The following ELMO1 variants were observed in gnomAD, a reference collection of about 807,000 sequenced individuals.
ELMO1 encodes engulfment and cell motility protein 1.
In ELMO1, 26 loss-of-function variants were observed where a neutral mutation model predicts 98.9. That is an observed-to-expected ratio of 0.26 (90% confidence interval 0.19 to 0.36). The LOEUF is 0.36. Among genes scored for constraint, ELMO1 ranks in the 10% least tolerant of loss-of-function variants. ELMO1 has a pLI of 1.00. For missense variants in ELMO1, 627 were observed against 935.2 expected (o/e 0.67, Z 4.30); for synonymous variants, 346 against 346.0 (o/e 1.00, Z 0.00).
chr7:37,421,655 T>C (rs1804478066), intron 1 of ELMO1, among the ~76,000 whole-genome samples: 1 of 152,210 alleles, frequency 6.6e-6, no homozygotes, highest in South Asian at 2.1e-4. Context: ...TCCTGGGTTC[T>C]TAGGGGCTGA....
At chr7:37,035,638 A>T (rs556273441) in intron 15 of ELMO1, among the ~76,000 whole-genome samples, 1 of 152,320 alleles carries the variant, frequency 6.6e-6, no homozygotes, top group Non-Finnish European at 1.5e-5. Flanking sequence ...TTATAATATC[A>T]TGACTTTGCT....
intron 16 of ELMO1, among the ~76,000 whole-genome samples, chr7:36,953,921 G>A (rs980702435): frequency 7.3e-5 from 11 of 150,276 alleles, no homozygotes. Context: ...TAGGAACTTT[G>A]GAAGAAGGGG....
chr7:37,012,851 C>G (rs1793649702), intron 16 of ELMO1, among the ~76,000 whole-genome samples: 1 of 152,170 alleles, frequency 6.6e-6, no homozygotes, highest in South Asian at 2.1e-4. Context: ...GATCACAACA[C>G]ATCCATAATC....
chr7:37,312,229 C>T (rs1798923856), intron 4 of ELMO1, among the ~76,000 whole-genome samples: 2 of 152,202 alleles, frequency 1.3e-5, no homozygotes, highest in South Asian at 4.1e-4. Context: ...AGTGGGACTA[C>T]AGGCATGTGC....
At chr7:37,416,943 C>T (rs186851350) in intron 1 of ELMO1, among the ~76,000 whole-genome samples, 1 of 152,314 alleles carries the variant, frequency 6.6e-6, no homozygotes, top group Non-Finnish European at 1.5e-5. Context: ...CATTCACTTC[C>T]TCAGTTTCTC....
At chr7:37,279,158 C>A (rs144248324) in intron 4 of ELMO1, among the ~76,000 whole-genome samples, 10,331 of 152,062 alleles carry the variant, frequency 0.068, 468 homozygotes, top group African/African-American at 0.11. Context: ...GCCGAGATCA[C>A]GCCACTGCAC....
intron 4 of ELMO1, among the ~76,000 whole-genome samples, chr7:37,281,499 A>G (rs1797139906): frequency 6.6e-6 from 1 of 152,208 alleles, no homozygotes; most frequent in South Asian, 2.1e-4. Flanking sequence ...AAATTGCCAC[A>G]TGCCCTCTCT....
At chr7:37,012,396 C>T (rs1307870031) in intron 16 of ELMO1, among the ~76,000 whole-genome samples, 3 of 152,188 alleles carry the variant, frequency 2.0e-5, no homozygotes, top group Admixed American at 6.5e-5. Flanking sequence ...GAAAGCCCCA[C>T]AGTATGACTG....
rs528891655 is a variant in ELMO1, at chr7:37,099,589, A to G, written c.1192-2862T>C. Among the ~76,000 whole-genome samples, 47 of 152,316 alleles carry G rather than the reference A, an allele frequency of 3.1e-4. No homozygotes were observed. The South Asian group carries it at 5.2e-3, about 17-fold the overall frequency. On this transcript the variant is annotated intron_variant, in intron 14 of 21. Transcript: ENST00000310758. The stretch of plus-strand genomic sequence containing the variant: ...CCACTCATCTTAGAATATATCAAAC[A>G]CCAAAATAAACTCTTTCTGCATATT...
chr7:37,043,178 T>A (rs189943229), intron 15 of ELMO1, among the ~76,000 whole-genome samples: 112 of 152,196 alleles, frequency 7.4e-4, no homozygotes, highest in Admixed American at 3.4e-3. Flanking sequence ...CAATTACCAC[T>A]AAATAAAGAA....
chr7:36,887,744 C>A, intron 17 of ELMO1, 72 bp from the exon 18 acceptor site: 1 of 1,378,626 alleles, frequency 7.3e-7, no homozygotes, highest in Non-Finnish European at 1.0e-6. Flanking sequence ...GCATCATGGG[C>A]ATACGGGCAG....
chr7:36,955,603 T>C (rs1206825027), intron 16 of ELMO1, among the ~76,000 whole-genome samples: 1 of 152,228 alleles, frequency 6.6e-6, no homozygotes, highest in Non-Finnish European at 1.5e-5. Flanking sequence ...CACATGTACA[T>C]CTTTTTATTC....
intron 1 of ELMO1, among the ~76,000 whole-genome samples, chr7:37,367,281 C>A (rs1801943195): frequency 6.6e-6 from 1 of 152,236 alleles, no homozygotes; most frequent in African/African-American, 2.4e-5. Flanking sequence ...CCCTCCCTCT[C>A]TTTCTCTCTC....
intron 13 of ELMO1, among the ~76,000 whole-genome samples, chr7:37,138,371 T>C (rs1048981363): frequency 1.3e-5 from 2 of 150,216 alleles, no homozygotes; most frequent in East Asian, 3.9e-4. Flanking sequence ...ATAAGCTCAA[T>C]TGGAAACAAA....
At chr7:36,933,750 G>C (rs1786254951) in intron 16 of ELMO1, among the ~76,000 whole-genome samples, 1 of 152,180 alleles carries the variant, frequency 6.6e-6, no homozygotes, top group South Asian at 2.1e-4. Flanking sequence ...GAGGCAGGTA[G>C]CACTGAGGCA....
At chr7:36,921,951 T>C (rs1785182682) in intron 16 of ELMO1, among the ~76,000 whole-genome samples, 2 of 152,180 alleles carry the variant, frequency 1.3e-5, no homozygotes, top group South Asian at 4.1e-4. Flanking sequence ...TTTTATTTTC[T>C]TGTGGAGTTT....
intron 16 of ELMO1, among the ~76,000 whole-genome samples, chr7:36,987,260 G>T (rs569077358): frequency 6.6e-6 from 1 of 152,114 alleles, no homozygotes; most frequent in African/African-American, 2.4e-5. Context: ...TAGAATTAAT[G>T]TCACCAACTC....
Position 37,342,966 on chromosome 7 carries a change from C to T in ELMO1, c.-73-203G>A, listed in dbSNP as rs991588375. On this transcript the variant is annotated intron_variant, in intron 1 of 21. Transcript: ENST00000310758. This position sits in a 1 kb window ranked among gnomAD's most constrained non-coding sequence, Gnocchi z 4.3. ...AGAAAGATGGGGGTGCCCGTGCCAACGCCCTTGAGTCAAAGCCGCCAGGAG... is the reference window on the plus strand; with the variant it reads ...AGAAAGATGGGGGTGCCCGTGCCAATGCCCTTGAGTCAAAGCCGCCAGGAG... 12 of 373,804 alleles carry T rather than the reference C, an allele frequency of 3.2e-5. No homozygotes were observed. Among genetic ancestry groups the T allele is most frequent in the East Asian group, 5.2e-5 (1 of 19,226 alleles). 23.2% of individuals were successfully genotyped at this position (373,804 alleles called of 1,614,324 possible).
intron 13 of ELMO1, among the ~76,000 whole-genome samples, chr7:37,177,712 G>T (rs116718980): frequency 5.6e-4 from 86 of 152,272 alleles, no homozygotes; most frequent in African/African-American, 2.0e-3. Flanking sequence ...GGTGGTCATG[G>T]ATTGATTAAG....
Sources: gnomAD v4.1 joint callset for allele counts (sites outside exome capture counted in the v4.1 genomes callset) on GRCh38, gnomAD v4.1.1 for gene constraint, Gnocchi (gnomAD v3.1) non-coding constraint, MANE v1.5 for transcripts, NCBI Gene and HGNC (gene_info 2026-07-23, HGNC 2026-07-21) for gene names.